The following ODF2 variants were observed in gnomAD, a reference collection of about 807,000 sequenced individuals.
ODF2 encodes the protein outer dense fiber protein 2.
Under a neutral mutation model 110.2 loss-of-function variants are expected in ODF2, and 47 were observed. The ratio of observed to expected loss-of-function variants is 0.43; its 90% CI spans 0.34 to 0.54. The LOEUF (loss-of-function observed/expected upper bound fraction) is 0.54, where lower values mean the gene tolerates loss of function less well. Ranked by LOEUF, ODF2 falls within the 20% of genes least tolerant of loss-of-function variation. ODF2 has a pLI of 0.03. For missense variants in ODF2, 812 were observed against 1,054.5 expected (o/e 0.77, Z 3.19); for synonymous variants, 352 against 397.7 (o/e 0.89, Z 1.37).
At chr9:128,490,678 A>G (rs913526742) in intron 14 of ODF2, among the ~76,000 whole-genome samples, 1 of 152,224 alleles carries the variant, frequency 6.6e-6, no homozygotes, top group Admixed American at 6.5e-5. Flanking sequence ...TTCGCTAGCC[A>G]TGAACATATA....
exon 7 of ODF2, chr9:128,473,019 G>A (rs2131795414): frequency 3.1e-6 from 5 of 1,614,136 alleles, no homozygotes; most frequent in Non-Finnish European, 4.2e-6. Context: ...GGCCTTGAAG[G>A]ATACCATCGG....
At chr9:128,490,643 G>A (rs1322321132) in intron 14 of ODF2, among the ~76,000 whole-genome samples, 1 of 152,118 alleles carries the variant, frequency 6.6e-6, no homozygotes, top group Non-Finnish European at 1.5e-5. Flanking sequence ...AAACATTACA[G>A]AAATGTGATG....
chr9:128,476,314 G>A (rs34191988), intron 8 of ODF2, among the ~76,000 whole-genome samples: 97,094 of 152,014 alleles, frequency 0.64, 33,918 homozygotes, highest in Non-Finnish European at 0.79. Flanking sequence ...ATTTGAGACC[G>A]AGTTTCACTC....
intron 4 of ODF2, among the ~76,000 whole-genome samples, chr9:128,468,263 T>C (rs912915086): frequency 6.6e-6 from 1 of 152,222 alleles, no homozygotes; most frequent in African/African-American, 2.4e-5. Context: ...ACTTTTGACA[T>C]ATTTCATTTC....
At chr9:128,473,830 T>C in intron 8 of ODF2, 89 bp downstream of exon 8, 2 of 1,287,852 alleles carry the variant, frequency 1.6e-6, no homozygotes, top group South Asian at 2.6e-5. Context: ...AAAATAAGAT[T>C]GGTGCCCGAC....
At chr9:128,482,869 G>A (rs921172012) in exon 10 of ODF2, 3 of 1,605,168 alleles carry the variant, frequency 1.9e-6, no homozygotes, top group African/African-American at 1.3e-5. Context: ...AGCTCCTTCA[G>A]GAAATACAAT....
intron 4 of ODF2, among the ~76,000 whole-genome samples, chr9:128,463,609 C>T (rs1206245784): frequency 6.6e-6 from 1 of 152,144 alleles, no homozygotes; most frequent in Non-Finnish European, 1.5e-5. Context: ...AAGATTGAGA[C>T]AGATATTTAT....
chr9:128,473,156 G>C, intron 7 of ODF2, 114 bp downstream of exon 7: 1 of 1,513,842 alleles, frequency 6.6e-7, no homozygotes, highest in Non-Finnish European at 8.9e-7. Context: ...TCTTCAGGCT[G>C]GGGGAGAGCA....
At chr9:128,475,305 A>C (rs1841022162) in intron 8 of ODF2, among the ~76,000 whole-genome samples, 1 of 151,306 alleles carries the variant, frequency 6.6e-6, no homozygotes, top group African/African-American at 2.4e-5. Flanking sequence ...TCCTGGAACC[A>C]GTCCTCCATG....
chr9:128,494,648 A>G lies in ODF2; in HGVS notation c.1891A>G (p.Ile631Val), dbSNP rs1845272527. The G allele has an allele frequency of 1.2e-6, 2 of 1,614,036 alleles. No homozygotes were observed. Among genetic ancestry groups the G allele is most frequent in the Non-Finnish European group, 1.7e-6 (2 of 1,180,030 alleles). ...GAAGAACATCGACCTCACAGCCATC[A>G]TATCAGACCTGCGCAGCCGGGTAAG... is the stretch of plus-strand genomic sequence containing the variant. Residue 631 changes from isoleucine (I) to valine (V), a missense_variant, in exon 17 of 21, where the codon ATA (isoleucine) becomes GTA (valine). Physicochemically the swap from Ile to Val is conservative, Grantham distance 29. Coordinates refer to ENST00000604420, the Ensembl canonical transcript of ODF2. The surrounding 1 kb of genome is among the most constrained non-coding windows in gnomAD (Gnocchi z 4.6).
Position 128,492,355 on chromosome 9 carries a change from TA to T in ODF2, c.1537-70del, listed in dbSNP as rs995693895. 30 of 1,020,004 alleles carry T rather than the reference TA, an allele frequency of 2.9e-5. No homozygotes were observed. In the Admixed American group the frequency reaches 4.1e-4, roughly 14 times the overall value. 63.2% of individuals were successfully genotyped at this position (1,020,004 alleles called of 1,614,324 possible). On this transcript the variant is annotated intron_variant, in intron 14 of 20. Coordinates refer to ENST00000604420, the Ensembl canonical transcript of ODF2. ...GCCTTTCCTTTTCTGGTTCTTTGGA[TA>T]GAGTTGAGGGTAGGAGGTCCACCTG...
intron 14 of ODF2, among the ~76,000 whole-genome samples, chr9:128,491,009 A>AT (rs576962040): frequency 0.028 from 4,216 of 149,354 alleles, 98 homozygotes; most frequent in African/African-American, 0.068. Context: ...TCACAACATA[A>AT]TTTTTTTTTT....
intron 19 of ODF2, 135 bp from the exon 20 acceptor site, chr9:128,498,866 G>C (rs1846082351): frequency 1.6e-6 from 2 of 1,223,316 alleles, no homozygotes; most frequent in Admixed American, 4.3e-5. Flanking sequence ...TCCTGCCCCA[G>C]CGTTCTAGAG....
chr9:128,484,069 CA>C lies in ODF2; in HGVS notation c.1104+16del. On this transcript the variant is annotated intron_variant, in intron 11 of 20. Transcript: ENST00000604420. ...TGCAGATTAAGGTACCTATTGGCCC[CA>C]CAAGTGGGGAAAGAGGAGGCAAGGG... 3.8e-6 allele frequency: 6 copies of C among 1,583,494 alleles called. No individual in the cohort carries two copies. Among genetic ancestry groups the C allele is most frequent in the Non-Finnish European group, 5.2e-6 (6 of 1,158,540 alleles).
chr9:128,494,919 A>G lies in ODF2; in HGVS notation c.1911+251A>G, dbSNP rs1588991707. ...ACTGGGCCCTCCTGCTGTTGCCCCC[A>G]CCCAAGACTGCTGCCTCTGCCTGTG... On this transcript the variant is annotated intron_variant, in intron 17 of 20. Coordinates refer to ENST00000604420, the Ensembl canonical transcript of ODF2. This position sits in a 1 kb window ranked among gnomAD's most constrained non-coding sequence, Gnocchi z 4.6. 3 of 1,226,538 alleles carry G rather than the reference A, an allele frequency of 2.4e-6. No individual in the cohort carries two copies. The African/African-American group carries it at 4.6e-5, about 19-fold the overall frequency. The allele number at this position is 1,226,538 out of a possible 1,614,324, so 76.0% of individuals were successfully genotyped here.
chr9:128,475,951 A>T (rs926762034), intron 8 of ODF2, among the ~76,000 whole-genome samples: 1 of 151,536 alleles, frequency 6.6e-6, no homozygotes, highest in African/African-American at 2.4e-5. Flanking sequence ...GCCGAGTTCA[A>T]CTTCTTTAGG....
At chr9:128,493,501 T>C (rs975395423) in intron 16 of ODF2, among the ~76,000 whole-genome samples, 3 of 152,224 alleles carry the variant, frequency 2.0e-5, no homozygotes, top group African/African-American at 7.2e-5. Flanking sequence ...GGTGTCCTTA[T>C]TTTGTACCAG....
In ODF2 at chr9:128,482,893, G is replaced by A. The variant is rs758635175; in HGVS notation, c.987+6G>A. 3 of 1,458,276 alleles carry A rather than the reference G, an allele frequency of 2.1e-6. No homozygotes were observed. The highest frequency in any genetic ancestry group is 2.4e-5 in the East Asian group (1 of 42,498). The allele number at this position is 1,458,276 out of a possible 1,614,324, so 90.3% of individuals were successfully genotyped here. A position where few individuals can be genotyped will look rare whatever the true frequency, so the allele number is the denominator to read the frequency against. ...AGGAAATACAATGTGAGAAGGTAGTGTGCTTTTTTTTTTTTTTTTTTTAGA... is the reference window on the plus strand; with the variant it reads ...AGGAAATACAATGTGAGAAGGTAGTATGCTTTTTTTTTTTTTTTTTTTAGA... On this transcript the variant is annotated splice_donor_region_variant and intron_variant, in intron 10 of 20. Transcript: ENST00000604420.
chr9:128,498,452 A>G, exon 19 of ODF2: 1 of 1,612,324 alleles, frequency 6.2e-7, no homozygotes, highest in Non-Finnish European at 8.5e-7. Flanking sequence ...TCGAGTTCCT[A>G]CAGGTGATTG....
Sources: allele counts gnomAD v4.1 joint callset (sites outside exome capture counted in the v4.1 genomes callset), GRCh38; gene constraint gnomAD v4.1.1; non-coding constraint Gnocchi (gnomAD v3.1); transcripts MANE v1.5; gene names NCBI Gene and HGNC (gene_info 2026-07-23, HGNC 2026-07-21).